Variants in NLRC5 observed in about 807,000 individuals in gnomAD.
NLRC5 encodes protein NLRC5.
A neutral mutation model predicts 206.9 loss-of-function variants in NLRC5; 114 were observed. That is an observed-to-expected ratio of 0.55 (90% CI 0.47 to 0.64). NLRC5 has a LOEUF of 0.64. Among genes scored for constraint, NLRC5 ranks in the 30% least tolerant of loss-of-function variants. The probability of loss-of-function intolerance (pLI) is 0.00; values close to 1 mark genes in which losing one functional copy is unlikely to be tolerated. For missense variants in NLRC5, 2,008 were observed against 2,305.5 expected, an observed-to-expected ratio of 0.87 and a Z score of 2.64; for synonymous variants, 952 against 962.8, an observed-to-expected ratio of 0.99 and a Z score of 0.21.
Position 57,070,624 on chromosome 16 carries a change from T to C in NLRC5, c.4667+6T>C. On this transcript the variant is annotated splice_donor_region_variant and intron_variant, in intron 38 of 48. Transcript: ENST00000688547. ...TGGATGCTAAAGAGGCTGGAGTAAGTAGTGATGGTGGTTGTGGGTGAGTGA... is the reference window on the plus strand; with the variant it reads ...TGGATGCTAAAGAGGCTGGAGTAAGCAGTGATGGTGGTTGTGGGTGAGTGA... 6.2e-7 allele frequency: 1 copy of C among 1,612,960 alleles called. No homozygotes were observed. The highest frequency in any genetic ancestry group is 2.2e-5 in the East Asian group (1 of 44,876).
At position 57,031,471 on chromosome 16, in the gene NLRC5, G is replaced by T. The variant is rs376105086; in HGVS notation, c.2477+8G>T. The T allele has an allele frequency of 6.2e-7, 1 of 1,613,788 alleles. No individual in the cohort carries two copies. Among genetic ancestry groups the T allele is most frequent in the Non-Finnish European group, 8.5e-7 (1 of 1,179,924 alleles). On this transcript the variant is annotated splice_region_variant and intron_variant, in intron 11 of 48. Coordinates refer to ENST00000688547, the MANE Select transcript of NLRC5 (RefSeq NM_001384950.1). ...AACTGCAGAGCTACAAAGGTAAGAA[G>T]CCAAGAGGCGGTGGGCCTGGGGCCA...
At chr16:57,028,675 C>T (rs1002401681) in intron 8 of NLRC5, among the ~76,000 whole-genome samples, 1 of 152,184 alleles carries the variant, frequency 6.6e-6, no homozygotes, top group Non-Finnish European at 1.5e-5. Context: ...GATAGCAGTG[C>T]GTAGGCAGGA....
chr16:57,057,463 A>G (rs2065825465), intron 27 of NLRC5, among the ~76,000 whole-genome samples: 1 of 152,258 alleles, frequency 6.6e-6, no homozygotes, highest in African/African-American at 2.4e-5. Flanking sequence ...TGCTGCAATG[A>G]AGGGAAGTAA....
At chr16:57,006,524 C>T (rs1000113122) in intron 1 of NLRC5, among the ~76,000 whole-genome samples, 1 of 150,478 alleles carries the variant, frequency 6.6e-6, no homozygotes, top group Admixed American at 6.7e-5. Flanking sequence ...GTGATCCTCC[C>T]ACCTCAGCCT....
intron 5 of NLRC5, 90 bp from the exon 6 acceptor site, chr16:57,025,278 C>T: frequency 2.7e-6 from 4 of 1,486,020 alleles, no homozygotes; most frequent in Middle Eastern, 3.9e-4. Context: ...TCTGGGGCTA[C>T]AGGCTCCCAA....
At chr16:57,018,882 A>G (rs1597180035) in intron 2 of NLRC5, among the ~76,000 whole-genome samples, 2 of 152,348 alleles carry the variant, frequency 1.3e-5, no homozygotes, top group Non-Finnish European at 2.9e-5. Context: ...CCAATCCCCA[A>G]CTGTTGGACA....
At chr16:57,005,931 GA>G (rs371168402) in intron 1 of NLRC5, among the ~76,000 whole-genome samples, 9 of 149,178 alleles carry the variant, frequency 6.0e-5, no homozygotes, top group African/African-American at 9.9e-5. Flanking sequence ...AAAAAAAAAG[GA>G]AAAAAAATTC....
rs1175385744 is a variant in NLRC5 at position 57,070,058 on chromosome 16, G to T, written c.4583+139G>T. ...CCCCTGATGAAGTGCAGCAGTTCTG[G>T]GTGTGGCCTGGGGAAGGAAGAGCAC... On this transcript the variant is annotated intron_variant, in intron 37 of 48. Transcript: ENST00000688547. 4 of 697,578 alleles carry T rather than the reference G, an allele frequency of 5.7e-6. No homozygotes were observed. The African/African-American group carries it at 7.1e-5, about 12-fold the overall frequency. The allele number at this position is 697,578 out of a possible 1,614,324, so 43.2% of individuals were successfully genotyped here.
chr16:57,079,677 G>A (rs750557021), intron 46 of NLRC5, 48 bp downstream of exon 46: 3 of 1,550,934 alleles, frequency 1.9e-6, no homozygotes, highest in East Asian at 4.5e-5. Flanking sequence ...GGAAAAGTCG[G>A]GAGGGGTCGG....
chr16:57,068,501 C>T (rs1336716837), intron 36 of NLRC5, among the ~76,000 whole-genome samples: 3 of 152,052 alleles, frequency 2.0e-5, no homozygotes, highest in African/African-American at 4.8e-5. Context: ...TCTTCCCTCC[C>T]TCCTTCTTTC....
At chr16:57,066,115 A>C (rs753232466) in intron 33 of NLRC5, among the ~76,000 whole-genome samples, 1 of 152,084 alleles carries the variant, frequency 6.6e-6, no homozygotes, top group Non-Finnish European at 1.5e-5. Context: ...TCATGGTCTG[A>C]AAAGGCTTAT....
chr16:57,079,356 T>C, intron 45 of NLRC5, 64 bp downstream of exon 45: 1 of 1,567,554 alleles, frequency 6.4e-7, no homozygotes, highest in Non-Finnish European at 8.8e-7. Context: ...CTTCTCTGAC[T>C]GAGCCTAACA....
At chr16:56,997,052 T>C (rs2057699848) in intron 1 of NLRC5, among the ~76,000 whole-genome samples, 1 of 152,132 alleles carries the variant, frequency 6.6e-6, no homozygotes, top group South Asian at 2.1e-4. Context: ...TTGCATTTTT[T>C]GTAAAGACAG....
At chr16:56,999,916 C>G (rs2058054703) in intron 1 of NLRC5, among the ~76,000 whole-genome samples, 2 of 152,224 alleles carry the variant, frequency 1.3e-5, no homozygotes, top group South Asian at 4.1e-4. Flanking sequence ...ACAGTTGTTC[C>G]CAGACATCGG....
At position 57,014,500 on chromosome 16, in the gene NLRC5, A is replaced by G. The variant is rs188513875; in HGVS notation, c.-127-2574A>G. On this transcript the variant is annotated intron_variant, in intron 1 of 48. Transcript: ENST00000688547. ...ATTCTAACTTAAGATTAGACTTAAAAGTAACTTCAGCGGTTTTATTATGAA... is the reference window on the plus strand; with the variant it reads ...ATTCTAACTTAAGATTAGACTTAAAGGTAACTTCAGCGGTTTTATTATGAA... 3.6e-3 allele frequency among the ~76,000 whole-genome samples: 551 copies of G among 152,348 alleles called. 5 individuals are homozygous for G. Among genetic ancestry groups the G allele is most frequent in the Non-Finnish European group, 5.8e-3 (394 of 68,030 alleles).
rs2068896245 is a variant in NLRC5, at chr16:57,079,768, G to A, written c.5321+139G>A. 3 of 644,702 alleles carry A rather than the reference G, an allele frequency of 4.7e-6. No individual in the cohort carries two copies. The South Asian group carries it at 5.3e-5, about 11-fold the overall frequency. 39.9% of individuals were successfully genotyped at this position (644,702 alleles called of 1,614,324 possible). The stretch of plus-strand genomic sequence containing the variant: ...AGTCCTCCCATTTGTAAATGGGGAA[G>A]ATCATCCTTACTCAGACATCCTCTC... On this transcript the variant is annotated intron_variant, in intron 46 of 48. Coordinates refer to ENST00000688547, the MANE Select transcript of NLRC5 (RefSeq NM_001384950.1).
intron 1 of NLRC5, among the ~76,000 whole-genome samples, chr16:56,998,300 C>G (rs1018349239): frequency 1.6e-4 from 25 of 151,660 alleles, no homozygotes; most frequent in African/African-American, 6.0e-4. Context: ...ATACATAAAG[C>G]TGATATCTAT....
At chr16:57,010,058 G>T (rs1256665089) in intron 1 of NLRC5, among the ~76,000 whole-genome samples, 2 of 152,180 alleles carry the variant, frequency 1.3e-5, no homozygotes, top group African/African-American at 2.4e-5. Flanking sequence ...CCATCTTTGG[G>T]CTTGAGCTCA....
intron 5 of NLRC5, among the ~76,000 whole-genome samples, chr16:57,024,165 C>T (rs1321015749): frequency 1.3e-5 from 2 of 152,160 alleles, no homozygotes; most frequent in Admixed American, 6.5e-5. Context: ...CCTATGTCCT[C>T]AGTGTTGAAG....
Sources: gnomAD v4.1 joint callset for allele counts (sites outside exome capture counted in the v4.1 genomes callset) on GRCh38, gnomAD v4.1.1 for gene constraint, MANE v1.5 for transcripts, NCBI Gene and HGNC (gene_info 2026-07-23, HGNC 2026-07-21) for gene names.